TMEM132C: variants seen among roughly 807,000 people sequenced by gnomAD.
TMEM132C encodes the protein protein phosphatase 1, regulatory subunit 152.
TMEM132C carries 29 observed loss-of-function variants against 61.4 expected under a neutral mutation model. The ratio of observed to expected loss-of-function variants is 0.47; its 90% confidence interval spans 0.35 to 0.64. The LOEUF (loss-of-function observed/expected upper bound fraction) is 0.64, where lower values mean the gene tolerates loss of function less well. Ranked by LOEUF, TMEM132C falls within the 30% of genes least tolerant of loss-of-function variation. TMEM132C has a pLI of 0.00. For synonymous variants in TMEM132C, 656 were observed against 633.1 expected (o/e 1.04, Z -0.54); for missense variants, 1,408 against 1,476.9 (o/e 0.95, Z 0.76).
intron 2 of TMEM132C, among the ~76,000 whole-genome samples, chr12:128,499,464 A>G (rs1872081786): frequency 6.6e-6 from 1 of 152,130 alleles, no homozygotes; most frequent in African/African-American, 2.4e-5. Context: ...ACTGTTGTTA[A>G]CTGGAGTCAC....
chr12:128,463,340 C>T lies in TMEM132C; in HGVS notation c.974+47720C>T, dbSNP rs576905861. Among the ~76,000 whole-genome samples the T allele has an allele frequency of 5.4e-4, 82 of 152,126 alleles. 2 individuals are homozygous for T. The South Asian group carries it at 7.5e-3, about 14-fold the overall frequency. On this transcript the variant is annotated intron_variant, in intron 2 of 8. Transcript: ENST00000435159. ...TTCTCTTTTCTTTTTCTTTTCGAGA[C>T]GGAGTTTCTCTCTTGTTGCCCGGGC...
At chr12:128,459,322 T>C (rs1465096927) in intron 2 of TMEM132C, among the ~76,000 whole-genome samples, 1 of 152,184 alleles carries the variant, frequency 6.6e-6, no homozygotes, top group Non-Finnish European at 1.5e-5. Context: ...TATGAAAGCC[T>C]CCCTCAGGAG....
At chr12:128,577,212 G>A (rs1039333659) in intron 3 of TMEM132C, among the ~76,000 whole-genome samples, 3 of 152,162 alleles carry the variant, frequency 2.0e-5, no homozygotes, top group African/African-American at 7.2e-5. Flanking sequence ...CCTTCACTTA[G>A]CATCATGTTT....
chr12:128,629,597 G>A (rs75594473), intron 4 of TMEM132C, among the ~76,000 whole-genome samples: 1,729 of 152,290 alleles, frequency 0.011, 38 homozygotes, highest in African/African-American at 0.04. Context: ...GTTATGAATC[G>A]AGGGCCATGA....
intron 2 of TMEM132C, among the ~76,000 whole-genome samples, chr12:128,527,628 C>CA (rs1232522261): frequency 6.6e-6 from 1 of 152,028 alleles, no homozygotes; most frequent in East Asian, 1.9e-4. Flanking sequence ...AACTCTTGAC[C>CA]AAAGAGAAGT....
intron 1 of TMEM132C, among the ~76,000 whole-genome samples, chr12:128,337,828 C>T (rs1215307729): frequency 3.9e-5 from 6 of 152,160 alleles, no homozygotes; most frequent in African/African-American, 1.2e-4. Flanking sequence ...ATTTCCTGTC[C>T]GCTTAATTCC....
chr12:128,657,002 C>T (rs1014576674), intron 4 of TMEM132C, among the ~76,000 whole-genome samples: 2 of 152,128 alleles, frequency 1.3e-5, no homozygotes, highest in African/African-American at 4.8e-5. Context: ...TCTTCTCCTG[C>T]GTCTTCTCCA....
chr12:128,628,971 A>G (rs1338082898), intron 4 of TMEM132C, among the ~76,000 whole-genome samples: 3 of 152,244 alleles, frequency 2.0e-5, no homozygotes, highest in Non-Finnish European at 4.4e-5. Context: ...GCATTGATCT[A>G]TGAATGAATT....
chr12:128,336,063 T>G (rs569343738), intron 1 of TMEM132C, among the ~76,000 whole-genome samples: 2 of 152,244 alleles, frequency 1.3e-5, no homozygotes, highest in Non-Finnish European at 2.9e-5. Context: ...TAATTTTCCA[T>G]TATCATTTTG....
At chr12:128,686,071 G>GTGTGTGCATGTGTGT (rs150789768) in intron 5 of TMEM132C, among the ~76,000 whole-genome samples, 58,215 of 147,192 alleles carry the variant, frequency 0.4, 12,734 homozygotes, top group Admixed American at 0.49. Context: ...GTGTGCATGC[G>GTGTGTGCATGTGTGT]TGTGTGCGCA....
At chr12:128,453,512 G>C (rs1481819697) in intron 2 of TMEM132C, among the ~76,000 whole-genome samples, 2 of 152,166 alleles carry the variant, frequency 1.3e-5, no homozygotes, top group South Asian at 2.1e-4. Flanking sequence ...TGTAGACACT[G>C]CTGGGCTCAA....
chr12:128,328,913 A>G (rs1872600376), intron 1 of TMEM132C, among the ~76,000 whole-genome samples: 1 of 151,678 alleles, frequency 6.6e-6, no homozygotes, highest in Non-Finnish European at 1.5e-5. Flanking sequence ...TAAGATTTGG[A>G]TAACTGTTGT....
chr12:128,704,242 A>G (rs1954821269), intron 8 of TMEM132C, among the ~76,000 whole-genome samples: 1 of 152,228 alleles, frequency 6.6e-6, no homozygotes, highest in Admixed American at 6.5e-5. Context: ...CCAGGCACAT[A>G]AAGTCAATTT....
In TMEM132C at chr12:128,415,321, T is replaced by A; in HGVS notation, c.675T>A (p.Pro225=). The change falls in exon 2 of 9, where the codon CCT becomes CCA. Residue 225 remains proline (P), a synonymous_variant. Transcript: ENST00000435159. The surrounding 1 kb of genome is among the most constrained non-coding windows in gnomAD (Gnocchi z 5.8). The part of the protein sequence containing the change: ...KKSMDQPEGT[P]VELYYTVHPG... ...CCATGGACCAGCCGGAGGGGACCCCTGTGGAGCTCTACTACACCGTGCACC... is the reference window on the plus strand; with the variant it reads ...CCATGGACCAGCCGGAGGGGACCCCAGTGGAGCTCTACTACACCGTGCACC... The A allele has an allele frequency of 6.3e-7, 1 of 1,590,590 alleles. No homozygotes were observed. Among genetic ancestry groups the A allele is most frequent in the Non-Finnish European group, 8.6e-7 (1 of 1,167,862 alleles).
chr12:128,488,826 C>T (rs7303052), intron 2 of TMEM132C, among the ~76,000 whole-genome samples: 14,978 of 151,920 alleles, frequency 0.099, 890 homozygotes, highest in African/African-American at 0.14. Context: ...AATTACTTAC[C>T]GAATGAAAAC....
intron 8 of TMEM132C, among the ~76,000 whole-genome samples, chr12:128,700,035 C>G (rs887729869): frequency 6.6e-6 from 1 of 152,146 alleles, no homozygotes; most frequent in African/African-American, 2.4e-5. Flanking sequence ...AGAGAGAAAG[C>G]TGAAAGCATG....
At chr12:128,478,216 C>T (rs1031726219) in intron 2 of TMEM132C, among the ~76,000 whole-genome samples, 39 of 152,290 alleles carry the variant, frequency 2.6e-4, no homozygotes, top group African/African-American at 7.9e-4. Flanking sequence ...AATGCTCATT[C>T]GAGATGATTA....
intron 3 of TMEM132C, among the ~76,000 whole-genome samples, chr12:128,557,991 C>T (rs1565973821): frequency 1.3e-5 from 2 of 152,202 alleles, no homozygotes; most frequent in South Asian, 2.1e-4. Flanking sequence ...GCGTGGAAGT[C>T]GCGCGGTTTC....
At chr12:128,698,316 G>T (rs1452556607) in intron 8 of TMEM132C, among the ~76,000 whole-genome samples, 9 of 152,218 alleles carry the variant, frequency 5.9e-5, no homozygotes, top group African/African-American at 2.2e-4. Context: ...ACACAGCCAG[G>T]ATGGGCTCGT....
Sources: gnomAD v4.1 joint callset for allele counts (sites outside exome capture counted in the v4.1 genomes callset) on GRCh38, gnomAD v4.1.1 for gene constraint, Gnocchi (gnomAD v3.1) non-coding constraint, MANE v1.5 for transcripts, NCBI Gene and HGNC (gene_info 2026-07-23, HGNC 2026-07-21) for gene names.